Variants in PRKG1 observed in about 807,000 individuals in gnomAD.
PRKG1 encodes protein kinase cGMP-dependent 1.
A neutral mutation model predicts 88.1 loss-of-function variants in PRKG1; 35 were observed. The ratio of observed to expected loss-of-function variants is 0.40; its 90% CI spans 0.30 to 0.53. The LOEUF is 0.53. Among genes scored for constraint, PRKG1 ranks in the 20% least tolerant of loss-of-function variants. The probability of loss-of-function intolerance (pLI) is 0.59; values close to 1 mark genes in which losing one functional copy is unlikely to be tolerated. For missense variants in PRKG1, 540 were observed against 839.8 expected (o/e 0.64, Z 4.41); for synonymous variants, 303 against 292.5 (o/e 1.04, Z -0.37).
At chr10:51,811,151 G>C (rs1481777040) in intron 4 of PRKG1, among the ~76,000 whole-genome samples, 4 of 152,222 alleles carry the variant, frequency 2.6e-5, no homozygotes, top group African/African-American at 9.6e-5. Flanking sequence ...CTGGACTCCA[G>C]TTCATAGTTT....
At chr10:51,348,012 G>A (rs539046276) in intron 2 of PRKG1, among the ~76,000 whole-genome samples, 30 of 152,072 alleles carry the variant, frequency 2.0e-4, no homozygotes, top group Admixed American at 1.5e-3. Context: ...GCAGTGAGCC[G>A]AGATCATGCC....
intron 3 of PRKG1, among the ~76,000 whole-genome samples, chr10:51,520,633 T>C (rs1273421484): frequency 6.6e-6 from 1 of 152,064 alleles, no homozygotes; most frequent in Non-Finnish European, 1.5e-5. Context: ...AAATTCACAA[T>C]GATAGCTAGA....
chr10:52,028,511 C>T (rs552342025), intron 5 of PRKG1, among the ~76,000 whole-genome samples: 1 of 152,134 alleles, frequency 6.6e-6, no homozygotes, highest in African/African-American at 2.4e-5. Flanking sequence ...TTCAGTGTAT[C>T]CCCTCAAGCA....
At chr10:51,046,906 T>C (rs1843495600) in intron 1 of PRKG1, among the ~76,000 whole-genome samples, 1 of 152,156 alleles carries the variant, frequency 6.6e-6, no homozygotes. Context: ...TCATTGAAAA[T>C]GTCAGGCTGC....
chr10:51,492,903 T>G lies in PRKG1; in HGVS notation c.592+25067T>G, dbSNP rs7098934. 7.2e-3 allele frequency among the ~76,000 whole-genome samples: 1,097 copies of G among 152,226 alleles called. 11 individuals are homozygous for G. Among genetic ancestry groups the G allele is most frequent in the African/African-American group, 0.025 (1,034 of 41,538 alleles). On this transcript the variant is annotated intron_variant, in intron 3 of 17. Coordinates refer to ENST00000373980, the MANE Select transcript of PRKG1 (RefSeq NM_006258.4). ...GCCTGCACATCAAGTAGAAAAAAGA[T>G]TATTAGATCTTTTAATTATCTCAAA...
chr10:51,164,260 C>T (rs1846461997), intron 2 of PRKG1, among the ~76,000 whole-genome samples: 1 of 152,206 alleles, frequency 6.6e-6, no homozygotes. Flanking sequence ...TGTTCTGCAG[C>T]CACCGCTGCT....
intron 7 of PRKG1, among the ~76,000 whole-genome samples, chr10:52,082,403 G>A (rs1276554891): frequency 1.3e-5 from 2 of 152,078 alleles, no homozygotes; most frequent in Non-Finnish European, 2.9e-5. Flanking sequence ...GCTTAAACAT[G>A]TTTAACAGCC....
chr10:51,758,651 C>T (rs1837933536), intron 3 of PRKG1, among the ~76,000 whole-genome samples: 1 of 152,038 alleles, frequency 6.6e-6, no homozygotes, highest in Non-Finnish European at 1.5e-5. Flanking sequence ...TCATTAGCAT[C>T]TTAAATCTCT....
At chr10:51,685,275 T>TA (rs1465347874) in intron 3 of PRKG1, among the ~76,000 whole-genome samples, 1 of 152,172 alleles carries the variant, frequency 6.6e-6, no homozygotes, top group Non-Finnish European at 1.5e-5. Context: ...TATGAGCTGT[T>TA]GTGACTTAGG....
At chr10:51,374,069 C>T (rs1258843971) in intron 2 of PRKG1, among the ~76,000 whole-genome samples, 1 of 85,242 alleles carries the variant, frequency 1.2e-5, no homozygotes, top group Non-Finnish European at 2.5e-5. Context: ...TTGAACCTGG[C>T]TGGCAGAGGT....
chr10:51,307,411 A>G (rs1841067110), intron 2 of PRKG1, among the ~76,000 whole-genome samples: 1 of 152,182 alleles, frequency 6.6e-6, no homozygotes, highest in South Asian at 2.1e-4. Flanking sequence ...TTTGACTCCA[A>G]GATGATCTTT....
At chr10:51,470,880 T>C (rs1301590417) in intron 3 of PRKG1, among the ~76,000 whole-genome samples, 2 of 151,888 alleles carry the variant, frequency 1.3e-5, no homozygotes, top group Non-Finnish European at 2.9e-5. Context: ...AAAAAATAAA[T>C]TGGCATTCTT....
intron 2 of PRKG1, among the ~76,000 whole-genome samples, chr10:51,280,234 G>C (rs189761595): frequency 6.7e-4 from 102 of 152,340 alleles, no homozygotes; most frequent in African/African-American, 2.4e-3. Flanking sequence ...TCTGCTGAGA[G>C]TTCTGCTTTT....
intron 2 of PRKG1, among the ~76,000 whole-genome samples, chr10:51,281,712 C>T (rs544002665): frequency 1.1e-4 from 16 of 152,244 alleles, no homozygotes; most frequent in African/African-American, 3.9e-4. Flanking sequence ...TTCTTATGGC[C>T]TATCATTTAG....
rs527583565 is a variant in PRKG1, at chr10:51,777,241, T to A, written c.593-27344T>A. ...AAATAATCTTTCATCTTCACAATAA[T>A]GCCAGGTATGCATTATTATGTCTAT... On this transcript the variant is annotated intron_variant, in intron 3 of 17. Coordinates refer to ENST00000373980, the MANE Select transcript of PRKG1 (RefSeq NM_006258.4). 2.9e-4 allele frequency among the ~76,000 whole-genome samples: 44 copies of A among 152,272 alleles called. 1 individual carries two copies. Among genetic ancestry groups the A allele is most frequent in the African/African-American group, 9.6e-4 (40 of 41,550 alleles).
At position 51,144,797 on chromosome 10, in the gene PRKG1, T is replaced by C. The variant is rs1238433454; in HGVS notation, c.312-8367T>C. 3.9e-5 allele frequency among the ~76,000 whole-genome samples: 6 copies of C among 152,198 alleles called. No homozygotes were observed. In the South Asian group the frequency reaches 1.2e-3, roughly 32 times the overall value. On this transcript the variant is annotated intron_variant, in intron 1 of 17. Transcript: ENST00000373980. ...CTGCCTTGTGAGACATGTAGGACAT[T>C]GTAATGAAGCGAAATTTGGCTCCAA...
Position 51,115,386 on chromosome 10 carries a change from A to ATATATATATATATATATATATAT in PRKG1, c.312-37778_312-37777insTATATATATATATATATATATAT, listed in dbSNP as rs1465710988. 3.6e-3 allele frequency among the ~76,000 whole-genome samples: 254 copies of ATATATATATATATATATATATAT among 70,372 alleles called. 25 individuals carry two copies. Among genetic ancestry groups the ATATATATATATATATATATATAT allele is most frequent in the East Asian group, 8.7e-3 (11 of 1,264 alleles). 46.2% of individuals were successfully genotyped at this position (70,372 alleles called of 152,430 possible). A position where few individuals can be genotyped will look rare whatever the true frequency, so the allele number is the denominator to read the frequency against. ...GTTCCTTTAAACATATATATATATA[A>ATATATATATATATATATATATAT]AACAAATGTGAAAGGGGGAGAGACA... On this transcript the variant is annotated intron_variant, in intron 1 of 17. Transcript: ENST00000373980.
intron 7 of PRKG1, among the ~76,000 whole-genome samples, 177 bp from the exon 8 acceptor site, chr10:52,133,663 G>T (rs879942859): frequency 7.9e-5 from 12 of 152,096 alleles, no homozygotes; most frequent in Non-Finnish European, 1.6e-4. Context: ...TATGATTAAT[G>T]ACAAGGGTAA....
upstream of PRKG1, among the ~76,000 whole-genome samples, chr10:51,072,265 A>G (rs542877490): frequency 9.9e-4 from 151 of 152,316 alleles, 1 homozygote; most frequent in Middle Eastern, 0.01. Context: ...CCAGCTTAGC[A>G]GTTGTCTAAT....
Sources: gnomAD v4.1 joint callset for allele counts (sites outside exome capture counted in the v4.1 genomes callset) on GRCh38, gnomAD v4.1.1 for gene constraint, MANE v1.5 for transcripts, NCBI Gene and HGNC (gene_info 2026-07-23, HGNC 2026-07-21) for gene names.